PHLPP2: variants seen among roughly 807,000 people sequenced by gnomAD.
The protein encoded by PHLPP2 is PH domain leucine-rich repeat-containing protein phosphatase 2.
Under a neutral mutation model 124.9 loss-of-function variants are expected in PHLPP2, and 66 were observed. The observed-to-expected ratio is 0.53, with a 90% CI of 0.43 to 0.65. PHLPP2 has a LOEUF of 0.65. PHLPP2 is among the 30% of genes least tolerant of loss of function. PHLPP2 has a pLI of 0.00. For missense variants in PHLPP2, 1,685 were observed against 1,600.4 expected, an observed-to-expected ratio of 1.05 and a Z score of -0.90; for synonymous variants, 681 against 624.7, an observed-to-expected ratio of 1.09 and a Z score of -1.34.
chr16:71,659,458 C>T (rs2044770564), intron 13 of PHLPP2, among the ~76,000 whole-genome samples: 2 of 152,046 alleles, frequency 1.3e-5, no homozygotes, highest in African/African-American at 4.8e-5. Flanking sequence ...TCCATGTTGG[C>T]CAGGATGGTC....
At chr16:71,721,213 A>T (rs2045396314) in intron 1 of PHLPP2, among the ~76,000 whole-genome samples, 1 of 152,066 alleles carries the variant, frequency 6.6e-6, no homozygotes, top group Non-Finnish European at 1.5e-5. Flanking sequence ...CGTGCCTATG[A>T]TCCCAGCTAC....
At chr16:71,702,998 A>G (rs961081759) in intron 2 of PHLPP2, among the ~76,000 whole-genome samples, 3 of 151,934 alleles carry the variant, frequency 2.0e-5, no homozygotes, top group Non-Finnish European at 4.4e-5. Context: ...CCCACACTCT[A>G]TTATTTAGCT....
Position 71,667,272 on chromosome 16 carries a change from G to C in PHLPP2, c.1690C>G (p.Pro564Ala), listed in dbSNP as rs1449364953. 1.5e-5 allele frequency: 25 copies of C among 1,613,550 alleles called. No homozygotes were observed. Among genetic ancestry groups the C allele is most frequent in the Non-Finnish European group, 2.0e-5 (24 of 1,179,728 alleles). The change falls in exon 12 of 19, where the codon CCA becomes GCA. Residue 564 changes from proline (P) to alanine (A), a missense_variant. Transcript: ENST00000568954. ...MLGHNHVQNL[P>A]TLVEHIPLEV... The stretch of plus-strand genomic sequence containing the variant: ...AGGGGGATGTGCTCTACCAGTGTTG[G>C]AAGGTTTTGCACATGATTGTGTCCC...
In PHLPP2 at chr16:71,649,973, G is replaced by T. The variant is rs1233846773; in HGVS notation, c.2889C>A (p.Leu963=). The T allele has an allele frequency of 1.9e-6, 3 of 1,613,908 alleles. No individual in the cohort carries two copies. In the South Asian group the frequency reaches 3.3e-5, roughly 18 times the overall value. ...GAGTGGAAGATATGTGGGGCTTGGG[G>T]AGGATCCAAGGGTAGAGGTATGTAC... is the stretch of plus-strand genomic sequence containing the variant. ...LGCTYLYPWI[L]PKPHISSTPL... is the part of the protein sequence containing the mutation. Residue 963 remains leucine, a synonymous_variant, in exon 19 of 19, where the codon CTC becomes CTA. Coordinates refer to ENST00000568954, the MANE Select transcript of PHLPP2 (RefSeq NM_015020.3).
chr16:71,667,449 A>C (rs2145322442), intron 11 of PHLPP2, 116 bp from the exon 12 acceptor site: 1 of 773,150 alleles, frequency 1.3e-6, no homozygotes, highest in South Asian at 2.0e-5. Context: ...ATTCTCCTAG[A>C]TTGTATACTC....
chr16:71,684,403 G>T, intron 5 of PHLPP2, 73 bp downstream of exon 5: 1 of 1,510,840 alleles, frequency 6.6e-7, no homozygotes, highest in East Asian at 2.3e-5. Flanking sequence ...TGGGATTACA[G>T]ACGTGAGCCA....
At chr16:71,664,352 A>G (rs2044820229) in intron 12 of PHLPP2, 1 of 544,420 alleles carries the variant, frequency 1.8e-6, no homozygotes, top group South Asian at 2.2e-5. Flanking sequence ...GGAGTGCCTG[A>G]TTCTAACCTA....
intron 2 of PHLPP2, among the ~76,000 whole-genome samples, chr16:71,710,452 T>C (rs2045316350): frequency 6.6e-6 from 1 of 152,208 alleles, no homozygotes; most frequent in African/African-American, 2.4e-5. Context: ...GTAATCCCAT[T>C]TCCAGGACCT....
At chr16:71,700,593 T>G (rs930596929) in intron 3 of PHLPP2, among the ~76,000 whole-genome samples, 1 of 143,498 alleles carries the variant, frequency 7.0e-6, no homozygotes, top group Non-Finnish European at 1.5e-5. Flanking sequence ...GGGCACGATC[T>G]CGGCTCACTG....
In PHLPP2 at chr16:71,658,831, C is replaced by G. The variant is rs1411585800; in HGVS notation, c.1986-16G>C. Reference sequence around the variant, plus strand: ...ATTTAGTTTGCTGAAAAAGAAACAACAGAATACTATAATGCACCAAGACTG... The same window carrying G: ...ATTTAGTTTGCTGAAAAAGAAACAAGAGAATACTATAATGCACCAAGACTG... On this transcript the variant is annotated splice_polypyrimidine_tract_variant and intron_variant, in intron 13 of 18. Transcript: ENST00000568954. The G allele has an allele frequency of 1.9e-6, 3 of 1,612,670 alleles. No individual in the cohort carries two copies. The South Asian group carries it at 3.3e-5, about 18-fold the overall frequency.
rs1051834019 is a variant in PHLPP2 at position 71,701,196 on chromosome 16, A to G, written c.418+1402T>C. ...TCTGGCCCACAAAAACTATATAATT[A>G]TTAAGTATTAATCATTTTAAGTCCT... On this transcript the variant is annotated intron_variant, in intron 3 of 18. Coordinates refer to ENST00000568954, the MANE Select transcript of PHLPP2 (RefSeq NM_015020.3). Among the ~76,000 whole-genome samples the G allele has an allele frequency of 2.0e-4, 31 of 152,250 alleles. 1 individual carries two copies. Among genetic ancestry groups the G allele is most frequent in the Non-Finnish European group, 3.8e-4 (26 of 68,022 alleles).
chr16:71,689,987 T>C (rs1009366579), intron 4 of PHLPP2, among the ~76,000 whole-genome samples: 2 of 152,184 alleles, frequency 1.3e-5, no homozygotes, highest in Non-Finnish European at 2.9e-5. Flanking sequence ...CATGTATAGA[T>C]AGCTTCCTAA....
intron 2 of PHLPP2, among the ~76,000 whole-genome samples, chr16:71,710,038 G>A (rs1216341774): frequency 3.3e-5 from 5 of 151,964 alleles, no homozygotes; most frequent in Admixed American, 6.6e-5. Context: ...TGGTAGCGAC[G>A]GGGCTTCACC....
intron 4 of PHLPP2, among the ~76,000 whole-genome samples, chr16:71,685,750 A>C (rs1003395989): frequency 3.9e-5 from 6 of 152,218 alleles, no homozygotes; most frequent in Non-Finnish European, 8.8e-5. Flanking sequence ...CTTGACATTG[A>C]AAAGTACAGA....
intron 15 of PHLPP2, 114 bp from the exon 16 acceptor site, chr16:71,656,795 G>A: frequency 1.6e-6 from 1 of 615,728 alleles, no homozygotes; most frequent in Non-Finnish European, 2.9e-6. Flanking sequence ...TTGTCACCCA[G>A]GCTGGAGTGC....
chr16:71,684,242 C>A (rs2145344657), intron 5 of PHLPP2, among the ~76,000 whole-genome samples: 1 of 151,194 alleles, frequency 6.6e-6, no homozygotes, highest in East Asian at 2.0e-4. Context: ...TCGCCTGCCT[C>A]AGCCTTCCGA....
chr16:71,671,308 T>C (rs1480702985), intron 10 of PHLPP2, among the ~76,000 whole-genome samples: 2 of 151,764 alleles, frequency 1.3e-5, no homozygotes. Flanking sequence ...CGTCAGGTAC[T>C]ATCTTATGCA....
At position 71,721,090 on chromosome 16, in the gene PHLPP2, T is replaced by C. The variant is rs532942219; in HGVS notation, c.-7+3239A>G. On this transcript the variant is annotated intron_variant, in intron 1 of 18. Coordinates refer to ENST00000568954, the MANE Select transcript of PHLPP2 (RefSeq NM_015020.3). ...GGCTCATGCCTGTAATCCCAGCACT[T>C]TGGGATGCCGAGGAGGGACAGCCTT... Among the ~76,000 whole-genome samples the C allele has an allele frequency of 3.9e-5, 6 of 151,950 alleles. No homozygotes were observed. The East Asian group carries it at 1.2e-3, about 29-fold the overall frequency.
rs1058750 is a variant in PHLPP2, at chr16:71,645,154, C to T, written c.*3736G>A. 150,946 of 177,246 alleles carry T rather than the reference C, an allele frequency of 0.85. 64,513 individuals are homozygous for T. Among genetic ancestry groups the T allele is most frequent in the East Asian group, 0.99 (5,635 of 5,690 alleles). The allele number at this position is 177,246 out of a possible 1,614,324, so 11.0% of individuals were successfully genotyped here. A position where few individuals can be genotyped will look rare whatever the true frequency, so the allele number is the denominator to read the frequency against. ...GAGCCCACTGTCTGGATGACATCCA[C>T]TGGCAACAGTGAGAGAAAACCCTAT... On this transcript the variant is annotated 3_prime_UTR_variant, in exon 19 of 19. Coordinates refer to ENST00000568954, the MANE Select transcript of PHLPP2 (RefSeq NM_015020.3).
Sources: gnomAD v4.1 joint callset for allele counts (sites outside exome capture counted in the v4.1 genomes callset) on GRCh38, gnomAD v4.1.1 for gene constraint, MANE v1.5 for transcripts, NCBI Gene and HGNC (gene_info 2026-07-23, HGNC 2026-07-21) for gene names.